The following WWP1 variants were observed in gnomAD, a reference collection of about 807,000 sequenced individuals.
WWP1 encodes the protein NEDD4-like E3 ubiquitin-protein ligase WWP1.
A neutral mutation model predicts 130.6 loss-of-function variants in WWP1; 49 were observed. The observed-to-expected ratio is 0.38, with a 90% CI of 0.30 to 0.48. The LOEUF is 0.48. Among genes scored for constraint, WWP1 ranks in the 20% least tolerant of loss-of-function variants. The pLI, the probability that WWP1 is intolerant of heterozygous loss-of-function variation, is 0.99. For synonymous variants in WWP1, 332 were observed against 367.8 expected (o/e 0.90, Z 1.11); for missense variants, 809 against 1,100.6 (o/e 0.74, Z 3.75).
intron 3 of WWP1, among the ~76,000 whole-genome samples, chr8:86,375,517 C>G (rs1824586778): frequency 6.6e-6 from 1 of 152,094 alleles, no homozygotes; most frequent in Non-Finnish European, 1.5e-5. Context: ...CGTATCTCAT[C>G]TCTCCTCTTA....
intron 8 of WWP1, among the ~76,000 whole-genome samples, chr8:86,409,575 A>G (rs1228777650): frequency 6.6e-6 from 1 of 150,710 alleles, no homozygotes; most frequent in Non-Finnish European, 1.5e-5. Flanking sequence ...AGTTCTTACA[A>G]TAGGCTGGGC....
Position 86,402,150 on chromosome 8 carries a change from C to G in WWP1, c.671C>G (p.Pro224Arg). 6.2e-7 allele frequency: 1 copy of G among 1,613,794 alleles called. No individual in the cohort carries two copies. The highest frequency in any genetic ancestry group is 8.5e-7 in the Non-Finnish European group (1 of 1,179,854). ...TCTCCGTCTCAGGTTGCTGCCAGAC[C>G]CAAAAATACACCAGCTCCAAAACCA... ...PSSPSQVAAR[P>R]KNTPAPKPLA... The change falls in exon 8 of 25, where the codon CCC becomes CGC. Residue 224 changes from proline (P) to arginine (R), a missense_variant. Physicochemically the swap from Pro to Arg is moderately radical, Grantham distance 103. Coordinates refer to ENST00000517970, the MANE Select transcript of WWP1 (RefSeq NM_007013.4).
At chr8:86,383,007 G>C (rs1825068367) in intron 5 of WWP1, among the ~76,000 whole-genome samples, 3 of 152,096 alleles carry the variant, frequency 2.0e-5, no homozygotes. Context: ...GATCTGTTTT[G>C]ATCTAGTTTT....
In WWP1 at chr8:86,427,707, A is replaced by G. The variant is rs757963925; in HGVS notation, c.1222A>G (p.Thr408Ala). 3.7e-6 allele frequency: 6 copies of G among 1,614,044 alleles called. No homozygotes were observed. Among genetic ancestry groups the G allele is most frequent in the Non-Finnish European group, 4.2e-6 (5 of 1,179,946 alleles). Reference sequence around the variant, plus strand: ...TGTGGATCATAACACCAGAACAACAACGTGGCAGCGGCCTACCATGGAATC... The same window carrying G: ...TGTGGATCATAACACCAGAACAACAGCGTGGCAGCGGCCTACCATGGAATC... ...YYVDHNTRTTTWQRPTMESVR... is the reference protein window; with the variant it reads ...YYVDHNTRTTAWQRPTMESVR... The change falls in exon 11 of 25, where the codon ACG becomes GCG. Residue 408 changes from threonine to alanine, a missense_variant. Transcript: ENST00000517970.
chr8:86,467,412 CT>C lies in WWP1; in HGVS notation c.*520del, dbSNP rs1441161483. The stretch of plus-strand genomic sequence containing the variant: ...TGAGTATGTTAAAAAAAAAAAAATG[CT>C]GCTGGCTTTTCTGAAGACAGGTGCT... On this transcript the variant is annotated 3_prime_UTR_variant, in exon 25 of 25. Transcript: ENST00000517970. 6.6e-6 allele frequency: 1 copy of C among 151,270 alleles called. No individual in the cohort carries two copies. The highest frequency in any genetic ancestry group is 1.5e-5 in the Non-Finnish European group (1 of 67,842). The allele number at this position is 151,270 out of a possible 1,614,324, so 9.4% of individuals were successfully genotyped here.
At chr8:86,363,142 A>G (rs1335077915) in intron 1 of WWP1, among the ~76,000 whole-genome samples, 2 of 152,154 alleles carry the variant, frequency 1.3e-5, no homozygotes, top group South Asian at 2.1e-4. Flanking sequence ...ATTCTACAAT[A>G]TGGAATGAGA....
At chr8:86,454,759 C>G (rs1811351405) in intron 21 of WWP1, among the ~76,000 whole-genome samples, 1 of 151,822 alleles carries the variant, frequency 6.6e-6, no homozygotes. Context: ...GTTTATGTAC[C>G]CTTGGCAGGG....
In WWP1 at chr8:86,431,493, A is replaced by G; in HGVS notation, c.1472+3A>G. On this transcript the variant is annotated splice_donor_region_variant and intron_variant, in intron 13 of 24. Coordinates refer to ENST00000517970, the MANE Select transcript of WWP1 (RefSeq NM_007013.4). ...TGGGAAGATCCAAGAACTCAAGGGTATGTATATACAGCAGCCTTAAGTCGT... is the reference window on the plus strand; with the variant it reads ...TGGGAAGATCCAAGAACTCAAGGGTGTGTATATACAGCAGCCTTAAGTCGT... 3 of 1,612,632 alleles carry G rather than the reference A, an allele frequency of 1.9e-6. No homozygotes were observed. The highest frequency in any genetic ancestry group is 2.5e-6 in the Non-Finnish European group (3 of 1,179,224).
intron 22 of WWP1, among the ~76,000 whole-genome samples, chr8:86,458,824 C>A (rs1410362793): frequency 6.6e-6 from 1 of 151,978 alleles, no homozygotes; most frequent in African/African-American, 2.4e-5. Flanking sequence ...GTAGACACTT[C>A]TAGAAATTTA....
chr8:86,364,833 A>AG (rs1563468191), intron 1 of WWP1, among the ~76,000 whole-genome samples: 6,547 of 113,398 alleles, frequency 0.058, 191 homozygotes, highest in Non-Finnish European at 0.083. Context: ...GAAAGAAAGA[A>AG]AGAGAGAGAG....
chr8:86,468,193 G>T lies in WWP1; in HGVS notation c.*1300G>T. ...TCATTAACTTAAACATTTTTTAATA[G>T]CCATGGAACTGACTTCTTAAAATCT... is the stretch of plus-strand genomic sequence containing the variant. On this transcript the variant is annotated 3_prime_UTR_variant, in exon 25 of 25. Coordinates refer to ENST00000517970, the MANE Select transcript of WWP1 (RefSeq NM_007013.4). 4.3e-6 allele frequency: 1 copy of T among 235,160 alleles called. No individual in the cohort carries two copies. Among genetic ancestry groups the T allele is most frequent in the Non-Finnish European group, 8.5e-6 (1 of 117,320 alleles). The allele number at this position is 235,160 out of a possible 1,614,324, so 14.6% of individuals were successfully genotyped here. A position where few individuals can be genotyped will look rare whatever the true frequency, so the allele number is the denominator to read the frequency against.
intron 18 of WWP1, 97 bp downstream of exon 18, chr8:86,442,875 T>C (rs1810666081): frequency 2.3e-6 from 3 of 1,294,288 alleles, no homozygotes; most frequent in Non-Finnish European, 2.1e-6. Context: ...TTATATTTGC[T>C]ATTCACAAGT....
chr8:86,360,975 G>C (rs1448093012), intron 1 of WWP1, among the ~76,000 whole-genome samples: 1 of 152,188 alleles, frequency 6.6e-6, no homozygotes, highest in Admixed American at 6.5e-5. Flanking sequence ...AGGGTAATTA[G>C]GTTGAGGAAT....
chr8:86,457,467 CTATA>C (rs1304839805), intron 21 of WWP1, among the ~76,000 whole-genome samples: 1 of 151,144 alleles, frequency 6.6e-6, no homozygotes, highest in Non-Finnish European at 1.5e-5. Flanking sequence ...AGATATAAAT[CTATA>C]TATATAGATG....
At chr8:86,418,222 A>C (rs1808996325) in intron 9 of WWP1, among the ~76,000 whole-genome samples, 1 of 152,208 alleles carries the variant, frequency 6.6e-6, no homozygotes, top group Non-Finnish European at 1.5e-5. Flanking sequence ...GCTCTGTGCT[A>C]GGTGCTGTTA....
intron 8 of WWP1, among the ~76,000 whole-genome samples, chr8:86,408,586 T>C (rs1808406659): frequency 6.6e-6 from 1 of 152,226 alleles, no homozygotes; most frequent in East Asian, 1.9e-4. Flanking sequence ...ATATTTTATG[T>C]CTGTATTCAT....
intron 5 of WWP1, among the ~76,000 whole-genome samples, chr8:86,384,613 C>T (rs1825176114): frequency 6.6e-6 from 1 of 152,122 alleles, no homozygotes; most frequent in Non-Finnish European, 1.5e-5. Flanking sequence ...TTGATTCAGT[C>T]TCTTGGTTTA....
chr8:86,359,044 A>C (rs1251918512), intron 1 of WWP1, among the ~76,000 whole-genome samples: 1 of 152,206 alleles, frequency 6.6e-6, no homozygotes, highest in Non-Finnish European at 1.5e-5. Context: ...TTGGTATCCA[A>C]ATCTGTATGA....
intron 8 of WWP1, among the ~76,000 whole-genome samples, chr8:86,411,211 A>G (rs1018996248): frequency 1.3e-5 from 2 of 152,176 alleles, no homozygotes; most frequent in African/African-American, 4.8e-5. Flanking sequence ...TAGATGGCCC[A>G]TACAGACTTC....
Sources: allele counts gnomAD v4.1 joint callset (sites outside exome capture counted in the v4.1 genomes callset), GRCh38; gene constraint gnomAD v4.1.1; transcripts MANE v1.5; gene names NCBI Gene and HGNC (gene_info 2026-07-23, HGNC 2026-07-21).